The following PC variants were observed in gnomAD, a reference collection of about 807,000 sequenced individuals.
PC encodes pyruvate carboxylase, mitochondrial.
A neutral mutation model predicts 107.8 loss-of-function variants in PC; 46 were observed. That is an observed-to-expected ratio of 0.43 (90% CI 0.34 to 0.55). The LOEUF is 0.55. Ranked by LOEUF, PC falls within the 20% of genes least tolerant of loss-of-function variation. The pLI is 0.04. For synonymous variants in PC, 662 were observed against 684.7 expected (o/e 0.97, Z 0.52); for missense variants, 1,241 against 1,643.1 (o/e 0.76, Z 4.23).
intron 3 of PC, among the ~76,000 whole-genome samples, chr11:66,879,695 G>T (rs1253318855): frequency 6.6e-6 from 1 of 152,216 alleles, no homozygotes; most frequent in African/African-American, 2.4e-5. Context: ...GGGAGGTTGG[G>T]TCACGCAGAG....
intron 3 of PC, among the ~76,000 whole-genome samples, chr11:66,909,601 A>G (rs1465294251): frequency 6.6e-6 from 1 of 152,162 alleles, no homozygotes; most frequent in Non-Finnish European, 1.5e-5. Context: ...CTCCATCAGC[A>G]CTGGGGAGCC....
intron 3 of PC, among the ~76,000 whole-genome samples, chr11:66,902,046 G>A (rs1947974779): frequency 6.6e-6 from 1 of 152,172 alleles, no homozygotes; most frequent in African/African-American, 2.4e-5. Flanking sequence ...GATTACCAAA[G>A]TACCCAGTCC....
rs936956828 is a variant in PC at position 66,870,942 on chromosome 11, C to G, written c.634-50G>C. The G allele has an allele frequency of 1.2e-6, 2 of 1,604,598 alleles. No homozygotes were observed. Among genetic ancestry groups the G allele is most frequent in the African/African-American group, 2.7e-5 (2 of 74,776 alleles). On this transcript the variant is annotated intron_variant, in intron 7 of 22. Transcript: ENST00000393960. The surrounding 1 kb of genome is among the most constrained non-coding windows in gnomAD (Gnocchi z 6.1). Reference sequence around the variant, plus strand: ...CAGACCTCAGACCCCACAGCGCTACCTCTCCCCTGCCATGAACCCCACCCA... The same window carrying G: ...CAGACCTCAGACCCCACAGCGCTACGTCTCCCCTGCCATGAACCCCACCCA...
intron 3 of PC, among the ~76,000 whole-genome samples, chr11:66,880,200 A>G (rs1004768375): frequency 6.6e-6 from 1 of 152,138 alleles, no homozygotes; most frequent in African/African-American, 2.4e-5. Flanking sequence ...CAGAATCAAC[A>G]TCGGCTGGGA....
intron 3 of PC, among the ~76,000 whole-genome samples, chr11:66,897,581 A>G (rs1947803979): frequency 6.6e-6 from 1 of 152,188 alleles, no homozygotes; most frequent in African/African-American, 2.4e-5. Flanking sequence ...CAAAAAATAA[A>G]TAAACAAAAA....
At chr11:66,880,950 T>C (rs888325053) in intron 3 of PC, among the ~76,000 whole-genome samples, 1 of 152,236 alleles carries the variant, frequency 6.6e-6, no homozygotes, top group African/African-American at 2.4e-5. Flanking sequence ...TCCCTCGAGC[T>C]GAGCCGCAAC....
Position 66,871,598 on chromosome 11 carries a change from C to T in PC, c.321+89G>A. On this transcript the variant is annotated intron_variant, in intron 5 of 22. Coordinates refer to ENST00000393960, the MANE Select transcript of PC (RefSeq NM_001040716.2). The surrounding 1 kb of genome is among the most constrained non-coding windows in gnomAD (Gnocchi z 7.4). ...CCGTTTACCCACCCACGCACAGAGG[C>T]GCTGAGCACGCCAGCCTCAAGAGAC... 2 of 1,569,664 alleles carry T rather than the reference C, an allele frequency of 1.3e-6. No homozygotes were observed. Among genetic ancestry groups the T allele is most frequent in the South Asian group, 1.1e-5 (1 of 88,820 alleles).
rs762978281 is a variant in PC, at chr11:66,857,897, G to A, written c.1369-4514C>T. On this transcript the variant is annotated intron_variant, in intron 12 of 22. Transcript: ENST00000393960. This position sits in a 1 kb window ranked among gnomAD's most constrained non-coding sequence, Gnocchi z 7.1. Reference sequence around the variant, plus strand: ...CGCCCAACGTGGACCGGCGCACAGTGGAGCTGCGGCTGGCTGACAACTTCA... The same window carrying A: ...CGCCCAACGTGGACCGGCGCACAGTAGAGCTGCGGCTGGCTGACAACTTCA... 7 of 1,611,894 alleles carry A rather than the reference G, an allele frequency of 4.3e-6. No individual in the cohort carries two copies. Among genetic ancestry groups the A allele is most frequent in the Non-Finnish European group, 5.9e-6 (7 of 1,179,938 alleles).
In PC at chr11:66,878,867, C is replaced by T. The variant is rs370361474; in HGVS notation, c.1-6708G>A. Reference sequence around the variant, plus strand: ...GAGAGTAGCCTCCTCTGGGGCACAGCCCAGCGCAGGCCCACAGTCCACTGG... The same window carrying T: ...GAGAGTAGCCTCCTCTGGGGCACAGTCCAGCGCAGGCCCACAGTCCACTGG... On this transcript the variant is annotated intron_variant, in intron 3 of 22. Coordinates refer to ENST00000393960, the MANE Select transcript of PC (RefSeq NM_001040716.2). 8.5e-4 allele frequency among the ~76,000 whole-genome samples: 130 copies of T among 152,330 alleles called. 2 individuals are homozygous for T. In the South Asian group the frequency reaches 0.025, roughly 30 times the overall value.
At position 66,858,285 on chromosome 11, in the gene PC, A is replaced by G; in HGVS notation, c.1369-4902T>C. On this transcript the variant is annotated intron_variant, in intron 12 of 22. Transcript: ENST00000393960. The surrounding 1 kb of genome is among the most constrained non-coding windows in gnomAD (Gnocchi z 5.9). Reference sequence around the variant, plus strand: ...CACCCTCAACCTGGACCATAACCTTATTGACGCACTGCCCCCAGGCGCCTT... The same window carrying G: ...CACCCTCAACCTGGACCATAACCTTGTTGACGCACTGCCCCCAGGCGCCTT... The G allele has an allele frequency of 6.2e-7, 1 of 1,611,702 alleles. No homozygotes were observed. Among genetic ancestry groups the G allele is most frequent in the Admixed American group, 1.7e-5 (1 of 60,014 alleles).
At chr11:66,928,820 T>C (rs58394845) in intron 3 of PC, among the ~76,000 whole-genome samples, 5,875 of 152,184 alleles carry the variant, frequency 0.039, 385 homozygotes, top group African/African-American at 0.13. Context: ...CCACCGTGCC[T>C]GGCCATGAGC....
rs1555025823 is a variant in PC, at chr11:66,868,845, C to T, written c.1022+1G>A. 6.2e-7 allele frequency: 1 copy of T among 1,611,108 alleles called. No individual in the cohort carries two copies. The highest frequency in any genetic ancestry group is 8.5e-7 in the Non-Finnish European group (1 of 1,177,650). ...CGCCCCGCCTGCCCGCCCACACTCA[C>T]TCGGTGATCTCCTCTGTGACCGTGT... On this transcript the variant is annotated splice_donor_variant, in intron 10 of 22. Transcript: ENST00000393960. LOFTEE classifies it high-confidence loss of function.
intron 12 of PC, chr11:66,856,851 G>C (rs1039450545): frequency 8.0e-5 from 12 of 149,794 alleles, no homozygotes; most frequent in African/African-American, 2.9e-4. Context: ...GGGGGCGCGC[G>C]CGCCTGTGCC....
chr11:66,857,420 G>A lies in PC; in HGVS notation c.1369-4037C>T, dbSNP rs1219230539. The stretch of plus-strand genomic sequence containing the variant: ...GGCGGGGAGTGGGGAGGCGGCTGGC[G>A]ATTCCTGGGGACGCCTGGGAAAGGA... On this transcript the variant is annotated intron_variant, in intron 12 of 22. Transcript: ENST00000393960. The surrounding 1 kb of genome is among the most constrained non-coding windows in gnomAD (Gnocchi z 7.1). The A allele has an allele frequency of 1.7e-5, 5 of 290,296 alleles. No individual in the cohort carries two copies. Among genetic ancestry groups the A allele is most frequent in the African/African-American group, 4.4e-5 (2 of 45,604 alleles). 18.0% of individuals were successfully genotyped at this position (290,296 alleles called of 1,614,324 possible).
intron 3 of PC, among the ~76,000 whole-genome samples, chr11:66,948,807 T>C (rs1038845876): frequency 6.6e-6 from 1 of 152,014 alleles, no homozygotes; most frequent in African/African-American, 2.4e-5. Flanking sequence ...GCCACTGTAC[T>C]CCAGCCTGAG....
chr11:66,897,744 G>A (rs982596368), intron 3 of PC, among the ~76,000 whole-genome samples: 4 of 152,168 alleles, frequency 2.6e-5, no homozygotes, highest in Non-Finnish European at 5.9e-5. Flanking sequence ...CCTGGTTAGC[G>A]AGTACAGGTC....
Position 66,866,154 on chromosome 11 carries a change from G to C in PC, c.1185+33C>G. ...CCAGGCAGAACCTGTGCACAGGTGA[G>C]CTGGCATCTCCCTCTGCTCGAGCTC... On this transcript the variant is annotated intron_variant, in intron 11 of 22. Coordinates refer to ENST00000393960, the MANE Select transcript of PC (RefSeq NM_001040716.2). This position sits in a 1 kb window ranked among gnomAD's most constrained non-coding sequence, Gnocchi z 5.4. 6.3e-7 allele frequency: 1 copy of C among 1,598,352 alleles called. No individual in the cohort carries two copies.
rs772619045 is a variant in PC at position 66,871,392 on chromosome 11, C to T, written c.410G>A (p.Arg137Gln). 11 of 1,613,632 alleles carry T rather than the reference C, an allele frequency of 6.8e-6. No individual in the cohort carries two copies. Among genetic ancestry groups the T allele is most frequent in the South Asian group, 5.5e-5 (5 of 91,094 alleles). ...CACTTCTGGGCTTGGCCCAATAAAC[C>T]GGACCCCTGCATCCTGGCAGGCCTG... ...FAQACQDAGV[R>Q]FIGPSPEVVR... The change falls in exon 6 of 23, where the codon CGG (arginine) becomes CAG (glutamine). Residue 137 changes from arginine (R) to glutamine (Q), a missense_variant. Physicochemically the swap from Arg to Gln is conservative, Grantham distance 43. Transcript: ENST00000393960. This position sits in a 1 kb window ranked among gnomAD's most constrained non-coding sequence, Gnocchi z 7.4.
intron 18 of PC, 57 bp from the exon 19 acceptor site, chr11:66,850,521 C>T (rs1945416161): frequency 6.2e-7 from 1 of 1,611,784 alleles, no homozygotes; most frequent in African/African-American, 1.3e-5. Context: ...TTCCAGGACC[C>T]AGGGCTAGCT....
Sources: gnomAD v4.1 joint callset for allele counts (sites outside exome capture counted in the v4.1 genomes callset) on GRCh38, gnomAD v4.1.1 for gene constraint, Gnocchi (gnomAD v3.1) non-coding constraint, MANE v1.5 for transcripts, NCBI Gene and HGNC (gene_info 2026-07-23, HGNC 2026-07-21) for gene names.